Variants in IGSF9B observed in about 807,000 individuals in gnomAD.
The protein encoded by IGSF9B is protein turtle homolog B.
IGSF9B carries 48 observed loss-of-function variants against 143.7 expected under a neutral mutation model. That is an observed-to-expected ratio of 0.33 (90% CI 0.26 to 0.42). IGSF9B has a LOEUF of 0.42. Among genes scored for constraint, IGSF9B ranks in the 20% least tolerant of loss-of-function variants. The pLI is 1.00. For synonymous variants in IGSF9B, 903 were observed against 833.1 expected, an observed-to-expected ratio of 1.08 and a Z score of -1.44; for missense variants, 1,706 against 1,980.0, an observed-to-expected ratio of 0.86 and a Z score of 2.63.
chr11:133,911,429 C>T (rs1245883868), intron 19 of IGSF9B, among the ~76,000 whole-genome samples: 3 of 152,016 alleles, frequency 2.0e-5, no homozygotes, highest in Non-Finnish European at 4.4e-5. Context: ...CACTAGAAGG[C>T]CTGAAATGAT....
intron 5 of IGSF9B, among the ~76,000 whole-genome samples, chr11:133,936,695 A>T (rs1352993115): frequency 6.6e-6 from 1 of 151,824 alleles, no homozygotes; most frequent in African/African-American, 2.4e-5. Context: ...CTGCTGAGGG[A>T]CCTCTGGCCC....
intron 1 of IGSF9B, among the ~76,000 whole-genome samples, chr11:133,951,010 C>T (rs1192650698): frequency 6.6e-6 from 1 of 152,080 alleles, no homozygotes; most frequent in Non-Finnish European, 1.5e-5. Flanking sequence ...AAGGCACAGC[C>T]CCCAATAGTC....
intron 6 of IGSF9B, 74 bp from the exon 7 acceptor site, chr11:133,935,836 C>T: frequency 3.2e-6 from 5 of 1,551,796 alleles, no homozygotes; most frequent in Non-Finnish European, 4.3e-6. Flanking sequence ...GTCACCGTCA[C>T]TGCCCCAGAT....
chr11:133,927,148 G>C, intron 12 of IGSF9B, 57 bp from the exon 13 acceptor site: 1 of 1,407,590 alleles, frequency 7.1e-7, no homozygotes, highest in Non-Finnish European at 9.7e-7. Context: ...TCACACTGGA[G>C]AGAAGAGGGT....
At chr11:133,911,777 G>T in intron 19 of IGSF9B, 109 bp downstream of exon 19, 1 of 1,054,158 alleles carries the variant, frequency 9.5e-7, no homozygotes, top group Non-Finnish European at 1.3e-6. Flanking sequence ...AAAGCCCAAG[G>T]TTGGGGCCCT....
In IGSF9B at chr11:133,907,904, C is replaced by T. The variant is rs146657906; in HGVS notation, c.*1165G>A. On this transcript the variant is annotated 3_prime_UTR_variant, in exon 20 of 20. Transcript: ENST00000533871. ...GGCAGAGAAGAGTCGGCAGGCAGCA[C>T]GTGGTGAGTGCGGGAAAGCCACAGG... is the stretch of plus-strand genomic sequence containing the variant. 5.0e-3 allele frequency among the ~76,000 whole-genome samples: 769 copies of T among 152,280 alleles called. 5 individuals carry two copies. Among genetic ancestry groups the T allele is most frequent in the Middle Eastern group, 0.01 (3 of 294 alleles).
At chr11:133,936,650 A>T (rs924408826) in intron 5 of IGSF9B, among the ~76,000 whole-genome samples, 1 of 152,120 alleles carries the variant, frequency 6.6e-6, no homozygotes, top group African/African-American at 2.4e-5. Context: ...AGCTGCGGCC[A>T]AGTCTCCCCT....
chr11:133,935,903 G>GCATCCCCAGGGCC, intron 6 of IGSF9B, 141 bp from the exon 7 acceptor site: 1 of 1,386,424 alleles, frequency 7.2e-7, no homozygotes, highest in Non-Finnish European at 9.7e-7. Flanking sequence ...GCAGACCCTG[G>GCATCCCCAGGGCC]CCTTGGCATG....
rs1322812275 is a variant in IGSF9B at position 133,953,960 on chromosome 11, T to C, written c.64+2731A>G. Among the ~76,000 whole-genome samples, 1 of 152,018 alleles carries C rather than the reference T, an allele frequency of 6.6e-6. No homozygotes were observed. Among genetic ancestry groups the C allele is most frequent in the Non-Finnish European group, 1.5e-5 (1 of 67,996 alleles). ...TCAAAAGGAGGAGCCCATTCCAACC[T>C]CTGTCCCGCACCCGAGGGCTGATGG... is the stretch of plus-strand genomic sequence containing the variant. On this transcript the variant is annotated intron_variant, in intron 1 of 19. Coordinates refer to ENST00000533871, the MANE Select transcript of IGSF9B (RefSeq NM_001277285.4). This position sits in a 1 kb window ranked among gnomAD's most constrained non-coding sequence, Gnocchi z 4.2.
rs572958403 is a variant in IGSF9B, at chr11:133,909,924, G to A, written c.4106-647C>T. Among the ~76,000 whole-genome samples the A allele has an allele frequency of 2.6e-5, 4 of 152,312 alleles. No individual in the cohort carries two copies. The highest frequency in any genetic ancestry group is 4.1e-4 in the South Asian group (2 of 4,826). The stretch of plus-strand genomic sequence containing the variant: ...ATAGGGTCAACTGAGGCACTACTCC[G>A]CTCCTTAAAGGGTTAACACTTGAAT... On this transcript the variant is annotated intron_variant, in intron 19 of 19. Coordinates refer to ENST00000533871, the MANE Select transcript of IGSF9B (RefSeq NM_001277285.4). This position sits in a 1 kb window ranked among gnomAD's most constrained non-coding sequence, Gnocchi z 4.2.
At position 133,901,850 on chromosome 11, in the gene IGSF9B, C is replaced by T. The variant is rs1456067568; in HGVS notation, c.*7219G>A. On this transcript the variant is annotated 3_prime_UTR_variant, in exon 20 of 20. Coordinates refer to ENST00000533871, the MANE Select transcript of IGSF9B (RefSeq NM_001277285.4). Reference sequence around the variant, plus strand: ...CACACAAACACACACACACCACACACGCACCACACACGCACCACACACGCA... The same window carrying T: ...CACACAAACACACACACACCACACATGCACCACACACGCACCACACACGCA... 1.4e-5 allele frequency among the ~76,000 whole-genome samples: 2 copies of T among 145,450 alleles called. No homozygotes were observed. Among genetic ancestry groups the T allele is most frequent in the South Asian group, 2.3e-4 (1 of 4,406 alleles).
chr11:133,935,741 G>A lies in IGSF9B; in HGVS notation c.843C>T (p.Arg281=), dbSNP rs895226830. ...YFQNDLKLRV[R]ILIDGTLIIF... is the part of the protein sequence containing the mutation. ...TGATCAGGGTCCCATCGATTAGGATGCGCACCCTCAGCTTCAGGTCGCTGC... is the reference window on the plus strand; with the variant it reads ...TGATCAGGGTCCCATCGATTAGGATACGCACCCTCAGCTTCAGGTCGCTGC... The change falls in exon 7 of 20, where the codon CGC becomes CGT. Residue 281 remains arginine, a synonymous_variant. Coordinates refer to ENST00000533871, the MANE Select transcript of IGSF9B (RefSeq NM_001277285.4). 6.2e-7 allele frequency: 1 copy of A among 1,612,058 alleles called. No individual in the cohort carries two copies. The highest frequency in any genetic ancestry group is 1.3e-5 in the African/African-American group (1 of 74,936).
At chr11:133,944,036 A>G (rs754965235) in intron 3 of IGSF9B, among the ~76,000 whole-genome samples, 184 bp downstream of exon 3, 1 of 152,234 alleles carries the variant, frequency 6.6e-6, no homozygotes, top group Non-Finnish European at 1.5e-5. Flanking sequence ...ACAGGCTTCG[A>G]GAAGACAGCA....
At position 133,919,757 on chromosome 11, in the gene IGSF9B, G is replaced by C. The variant is rs1279081770; in HGVS notation, c.3968C>G (p.Thr1323Arg). 2.0e-6 allele frequency: 3 copies of C among 1,468,880 alleles called. No individual in the cohort carries two copies. The highest frequency in any genetic ancestry group is 1.4e-5 in the African/African-American group (1 of 70,574). The allele number at this position is 1,468,880 out of a possible 1,614,324, so 91.0% of individuals were successfully genotyped here. A position where few individuals can be genotyped will look rare whatever the true frequency, so the allele number is the denominator to read the frequency against. ...GCGCACTCACCCTGAAGTAGGTAAC[G>C]TGGGTGGTGGGGTCTCCGGTCGGAG... ...ELLRPETPPP[T>R]LPTSGTLPPA... Residue 1323 changes from threonine (T) to arginine (R), a missense_variant, in exon 18 of 20, where the codon ACG becomes AGG. Thr to Arg is a moderately conservative substitution (Grantham distance 71, BLOSUM62 -1). Transcript: ENST00000533871.
At chr11:133,919,010 C>T (rs1441118380) in intron 18 of IGSF9B, 1 of 486,832 alleles carries the variant, frequency 2.1e-6, no homozygotes, top group Non-Finnish European at 4.2e-6. Context: ...AGGCAGGCGT[C>T]CAGGCCCTGG....
At chr11:133,956,209 C>A (rs1940249505) in intron 1 of IGSF9B, among the ~76,000 whole-genome samples, 1 of 152,160 alleles carries the variant, frequency 6.6e-6, no homozygotes, top group South Asian at 2.1e-4. Context: ...GGGCCTTAGA[C>A]GCGGGTGCCG....
intron 18 of IGSF9B, among the ~76,000 whole-genome samples, chr11:133,915,079 G>A (rs759238267): frequency 9.9e-5 from 15 of 152,018 alleles, no homozygotes; most frequent in Non-Finnish European, 8.8e-5. Context: ...AGAATTTAAG[G>A]TCACAGTTCT....
chr11:133,919,957 G>T lies in IGSF9B; in HGVS notation c.3768C>A (p.Gly1256=). The part of the protein sequence containing the change: ...SFSRKSTPST[G]SPSQSSRSGS... ...CACTGCGGCTGCTCTGGGAGGGGGA[G>T]CCTGTGGACGGCGTAGACTTTCGAG... Residue 1256 remains glycine, a synonymous_variant, in exon 18 of 20, where the codon GGC becomes GGA. Coordinates refer to ENST00000533871, the MANE Select transcript of IGSF9B (RefSeq NM_001277285.4). 6.4e-7 allele frequency: 1 copy of T among 1,561,694 alleles called. No individual in the cohort carries two copies. The highest frequency in any genetic ancestry group is 8.7e-7 in the Non-Finnish European group (1 of 1,153,306).
intron 3 of IGSF9B, among the ~76,000 whole-genome samples, 172 bp downstream of exon 3, chr11:133,944,048 C>T (rs1450443154): frequency 2.6e-5 from 4 of 152,206 alleles, no homozygotes; most frequent in Admixed American, 6.5e-5. Flanking sequence ...AAGACAGCAG[C>T]GGGGACACTG....
Sources: gnomAD v4.1 joint callset for allele counts (sites outside exome capture counted in the v4.1 genomes callset) on GRCh38, gnomAD v4.1.1 for gene constraint, Gnocchi (gnomAD v3.1) non-coding constraint, MANE v1.5 for transcripts, NCBI Gene and HGNC (gene_info 2026-07-23, HGNC 2026-07-21) for gene names.